The following SLC6A11 variants were observed in gnomAD, a reference collection of about 807,000 sequenced individuals.
SLC6A11 encodes sodium- and chloride-dependent GABA transporter 3.
In SLC6A11, 25 loss-of-function variants were observed where a neutral mutation model predicts 74.8. The ratio of observed to expected loss-of-function variants is 0.33; its 90% CI spans 0.24 to 0.47. The LOEUF (loss-of-function observed/expected upper bound fraction) is 0.47. Among genes scored for constraint, SLC6A11 ranks in the 20% least tolerant of loss-of-function variants. The pLI is 1.00. For synonymous variants in SLC6A11, 330 were observed against 330.2 expected (o/e 1.00, Z 0.01); for missense variants, 574 against 837.0 (o/e 0.69, Z 3.88).
Position 10,935,170 on chromosome 3 carries a change from G to A in SLC6A11, c.1717G>A (p.Val573Met). Reference protein sequence around the residue: ...LCIPLWICITVWKTEGTLPEK... With the variant: ...LCIPLWICITMWKTEGTLPEK... ...CATCCCGCTCTGGATCTGCATCACA[G>A]TGTGGAAGACGGAGGGGACACTGCC... The change falls in exon 13 of 14, where the codon GTG becomes ATG. Residue 573 changes from valine (V) to methionine (M), a missense_variant. Physicochemically the swap from Val to Met is conservative, Grantham distance 21 (BLOSUM62 1). Transcript: ENST00000254488. 2 of 1,614,238 alleles carry A rather than the reference G, an allele frequency of 1.2e-6. No individual in the cohort carries two copies. Among genetic ancestry groups the A allele is most frequent in the Non-Finnish European group, 1.7e-6 (2 of 1,180,030 alleles).
intron 5 of SLC6A11, among the ~76,000 whole-genome samples, chr3:10,854,682 G>A (rs1694617312): frequency 6.6e-6 from 1 of 152,226 alleles, no homozygotes; most frequent in Non-Finnish European, 1.5e-5. Flanking sequence ...GTAAGTAATA[G>A]AGCCAAGACG....
chr3:10,934,704 G>A (rs1317874850), intron 12 of SLC6A11, among the ~76,000 whole-genome samples: 2 of 152,200 alleles, frequency 1.3e-5, no homozygotes, highest in African/African-American at 4.8e-5. Context: ...GTCCCGAGGA[G>A]TAACTAGAAA....
chr3:10,931,118 C>T (rs1695680077), intron 10 of SLC6A11, among the ~76,000 whole-genome samples: 1 of 152,216 alleles, frequency 6.6e-6, no homozygotes, highest in African/African-American at 2.4e-5. Context: ...TGGTTGAGAG[C>T]ATGGGCTTTG....
Position 10,938,460 on chromosome 3 carries a change from A to G in SLC6A11, c.*58A>G. Reference sequence around the variant, plus strand: ...TTCTTCCCCCCGTGTATGTAAATGAATTCCTGAACCCCATACTTCACCTAA... The same window carrying G: ...TTCTTCCCCCCGTGTATGTAAATGAGTTCCTGAACCCCATACTTCACCTAA... On this transcript the variant is annotated 3_prime_UTR_variant, in exon 14 of 14. Transcript: ENST00000254488. 6.6e-7 allele frequency: 1 copy of G among 1,506,236 alleles called. No homozygotes were observed. Among genetic ancestry groups the G allele is most frequent in the Non-Finnish European group, 9.0e-7 (1 of 1,111,356 alleles). 93.3% of individuals were successfully genotyped at this position (1,506,236 alleles called of 1,614,324 possible).
At chr3:10,849,235 C>T (rs1057137592) in intron 5 of SLC6A11, among the ~76,000 whole-genome samples, 5 of 152,196 alleles carry the variant, frequency 3.3e-5, no homozygotes, top group African/African-American at 1.2e-4. Context: ...TTGCTTTCTT[C>T]AGGAGATAAC....
intron 6 of SLC6A11, among the ~76,000 whole-genome samples, chr3:10,900,575 C>G (rs1695227818): frequency 6.6e-6 from 1 of 152,216 alleles, no homozygotes; most frequent in Non-Finnish European, 1.5e-5. Flanking sequence ...CCAAGGATGT[C>G]TTTTCTATTG....
Position 10,938,513 on chromosome 3 carries a change from G to C in SLC6A11, c.*111G>C. 2.5e-6 allele frequency: 3 copies of C among 1,183,448 alleles called. No homozygotes were observed. Among genetic ancestry groups the C allele is most frequent in the Non-Finnish European group, 1.2e-6 (1 of 855,088 alleles). The allele number at this position is 1,183,448 out of a possible 1,614,324, so 73.3% of individuals were successfully genotyped here. On this transcript the variant is annotated 3_prime_UTR_variant, in exon 14 of 14. Coordinates refer to ENST00000254488, the MANE Select transcript of SLC6A11 (RefSeq NM_014229.3). ...GTAGGGGCTTGCTTGTTTTGCACAG[G>C]ATTAATTAACAAGTTAATTTTAAGG...
In SLC6A11 at chr3:10,926,846, C is replaced by G. The variant is rs1695615015; in HGVS notation, c.1233+730C>G. On this transcript the variant is annotated intron_variant, in intron 9 of 13. Transcript: ENST00000254488. The surrounding 1 kb of genome is among the most constrained non-coding windows in gnomAD (Gnocchi z 5.7). ...TCCCAGACCATTCCCCCAACAGTCCCTGAAACCCACCCTTTGCCTGCTGGT... is the reference window on the plus strand; with the variant it reads ...TCCCAGACCATTCCCCCAACAGTCCGTGAAACCCACCCTTTGCCTGCTGGT... Among the ~76,000 whole-genome samples, 1 of 152,216 alleles carries G rather than the reference C, an allele frequency of 6.6e-6. No individual in the cohort carries two copies. Among genetic ancestry groups the G allele is most frequent in the Admixed American group, 6.5e-5 (1 of 15,290 alleles).
Position 10,934,074 on chromosome 3 carries a change from C to T in SLC6A11, c.1483C>T (p.Arg495Trp), listed in dbSNP as rs755625021. The T allele has an allele frequency of 3.7e-6, 6 of 1,612,308 alleles. No individual in the cohort carries two copies. Among genetic ancestry groups the T allele is most frequent in the East Asian group, 2.2e-5 (1 of 44,866 alleles). ...ICIGWVYGSN[R>W]FYDNIEDMIG... ...TGATTTATTCCGGACAGGAAGCAAC[C>T]GGTTCTATGATAACATTGAAGACAT... Residue 495 changes from arginine (R) to tryptophan (W), a missense_variant, in exon 12 of 14, where the codon CGG becomes TGG. Physicochemically the swap from Arg to Trp is moderately radical, Grantham distance 101. Around this residue, in one of 4 missense-constraint regions of SLC6A11, gnomAD observed 257 missense variants for 341.5 expected, o/e 0.75. Coordinates refer to ENST00000254488, the MANE Select transcript of SLC6A11 (RefSeq NM_014229.3).
chr3:10,916,984 A>G (rs1033121486), intron 7 of SLC6A11, among the ~76,000 whole-genome samples: 8 of 152,232 alleles, frequency 5.3e-5, no homozygotes, highest in African/African-American at 1.9e-4. Context: ...GTTGCTTTAT[A>G]AAAACTATGA....
At chr3:10,938,200 G>T (rs1215450285) in intron 13 of SLC6A11, 50 bp from the exon 14 acceptor site, 2 of 1,532,356 alleles carry the variant, frequency 1.3e-6, no homozygotes, top group Non-Finnish European at 1.8e-6. Context: ...GCAGACCCTG[G>T]ACCCTGGCAG....
At chr3:10,871,107 G>A (rs545162934) in intron 5 of SLC6A11, among the ~76,000 whole-genome samples, 190 of 152,296 alleles carry the variant, frequency 1.2e-3, no homozygotes, top group African/African-American at 4.4e-3. Flanking sequence ...AATAAACCAT[G>A]TCACTGTAGT....
intron 5 of SLC6A11, among the ~76,000 whole-genome samples, chr3:10,845,423 G>T (rs1694491066): frequency 1.3e-5 from 2 of 152,152 alleles, no homozygotes; most frequent in Non-Finnish European, 1.5e-5. Flanking sequence ...TCTCATGCCT[G>T]GGTTGCACTG....
intron 5 of SLC6A11, among the ~76,000 whole-genome samples, chr3:10,867,132 G>T (rs1694772169): frequency 6.6e-6 from 1 of 152,242 alleles, no homozygotes; most frequent in Non-Finnish European, 1.5e-5. Context: ...GGAAGGGGAT[G>T]CAGGGGAGAG....
intron 6 of SLC6A11, among the ~76,000 whole-genome samples, chr3:10,908,164 G>GT (rs1559579211): frequency 2.0e-5 from 3 of 152,158 alleles, no homozygotes; most frequent in African/African-American, 7.2e-5. Flanking sequence ...TTATGTGATG[G>GT]TTGTATGTTC....
chr3:10,880,696 G>C (rs967162316), intron 6 of SLC6A11, among the ~76,000 whole-genome samples: 2 of 152,192 alleles, frequency 1.3e-5, no homozygotes, highest in Non-Finnish European at 2.9e-5. Context: ...AGCTCAGGTG[G>C]ACTGAGGGCC....
chr3:10,821,326 A>G (rs934270493), intron 3 of SLC6A11, among the ~76,000 whole-genome samples: 2 of 152,188 alleles, frequency 1.3e-5, no homozygotes, highest in Non-Finnish European at 2.9e-5. Flanking sequence ...GCATGTTTAT[A>G]ATTTAAGATG....
At chr3:10,885,260 C>T (rs1695029247) in intron 6 of SLC6A11, among the ~76,000 whole-genome samples, 1 of 152,162 alleles carries the variant, frequency 6.6e-6, no homozygotes, top group African/African-American at 2.4e-5. Flanking sequence ...ACCACCTTAA[C>T]CTTGTGTAGG....
chr3:10,937,681 C>G (rs116653606), intron 13 of SLC6A11, among the ~76,000 whole-genome samples: 1 of 152,290 alleles, frequency 6.6e-6, no homozygotes, highest in East Asian at 1.9e-4. Flanking sequence ...CCAGCTGGTG[C>G]GGGCTGCTTT....
Sources: allele counts gnomAD v4.1 joint callset (sites outside exome capture counted in the v4.1 genomes callset), GRCh38; gene constraint gnomAD v4.1.1; regional missense constraint gnomAD v4.1.1; non-coding constraint Gnocchi (gnomAD v3.1); transcripts MANE v1.5; gene names NCBI Gene and HGNC (gene_info 2026-07-23, HGNC 2026-07-21).